Variants in FAT4 observed in about 807,000 individuals in gnomAD.
FAT4 encodes FAT atypical cadherin 4, also known as protocadherin Fat 4.
In FAT4, 84 loss-of-function variants were observed where a neutral mutation model predicts 303.9. The observed-to-expected ratio is 0.28, with a 90% CI of 0.23 to 0.33. The LOEUF is 0.33. FAT4 is among the 10% of genes least tolerant of loss of function. FAT4 has a pLI of 1.00. For synonymous variants in FAT4, 2,307 were observed against 2,298.8 expected, an observed-to-expected ratio of 1.00 and a Z score of -0.10; for missense variants, 6,005 against 6,146.8, an observed-to-expected ratio of 0.98 and a Z score of 0.77.
At chr4:125,376,333 G>A (rs1391116157) in intron 2 of FAT4, among the ~76,000 whole-genome samples, 3 of 152,048 alleles carry the variant, frequency 2.0e-5, no homozygotes, top group Admixed American at 2.0e-4. Flanking sequence ...GAAATAATTA[G>A]GGGTAAAATG....
At position 125,490,450 on chromosome 4, in the gene FAT4, C is replaced by T. The variant is rs200092854; in HGVS notation, c.13634C>T (p.Pro4545Leu). 187 of 1,613,848 alleles carry T rather than the reference C, an allele frequency of 1.2e-4. No individual in the cohort carries two copies. Among genetic ancestry groups the T allele is most frequent in the East Asian group, 3.6e-4 (16 of 44,858 alleles). The change falls in exon 18 of 18, where the codon CCG becomes CTG. Residue 4545 changes from proline (P) to leucine (L), a missense_variant. Transcript: ENST00000394329. ...KAKNPKEEKK[P>L]KEKKKKGSEN... The stretch of plus-strand genomic sequence containing the variant: ...AAAAATCCCAAAGAGGAGAAGAAAC[C>T]GAAGGAGAAGAAGAAAAAGGGAAGT...
rs905131437 is a variant in FAT4, at chr4:125,491,514, G to A, written c.14698G>A (p.Ala4900Thr). The A allele has an allele frequency of 1.2e-6, 2 of 1,614,186 alleles. No individual in the cohort carries two copies. The highest frequency in any genetic ancestry group is 1.1e-5 in the South Asian group (1 of 91,082). Residue 4900 changes from alanine (A) to threonine (T), a missense_variant, in exon 18 of 18, where the codon GCC becomes ACC. Transcript: ENST00000394329. The part of the protein sequence containing the change: ...LKPRRYHGRR[A>T]EGGPVGTQAA... Reference sequence around the variant, plus strand: ...GCCTCGAAGGTACCACGGTCGCAGGGCCGAGGGAGGACCTGTGGGCACCCA... The same window carrying A: ...GCCTCGAAGGTACCACGGTCGCAGGACCGAGGGAGGACCTGTGGGCACCCA...
At chr4:125,387,126 C>T (rs886815810) in intron 2 of FAT4, among the ~76,000 whole-genome samples, 5 of 152,182 alleles carry the variant, frequency 3.3e-5, no homozygotes, top group South Asian at 2.1e-4. Context: ...TGCTATGGGC[C>T]GGGTTCCTAA....
At chr4:125,371,841 G>C (rs1169122887) in intron 2 of FAT4, among the ~76,000 whole-genome samples, 1 of 152,008 alleles carries the variant, frequency 6.6e-6, no homozygotes, top group African/African-American at 2.4e-5. Flanking sequence ...TTCTTTAGAT[G>C]GGGTCATTTA....
intron 2 of FAT4, among the ~76,000 whole-genome samples, chr4:125,368,594 C>T (rs1450330809): frequency 1.5e-4 from 22 of 148,850 alleles, no homozygotes; most frequent in Non-Finnish European, 2.1e-4. Context: ...TCAGACTTTC[C>T]TGATTCTGAA....
chr4:125,325,525 T>C (rs1264795017), intron 2 of FAT4, among the ~76,000 whole-genome samples: 1 of 152,198 alleles, frequency 6.6e-6, no homozygotes, highest in Non-Finnish European at 1.5e-5. Flanking sequence ...CTCTTTCGAG[T>C]AAAAATCGTA....
chr4:125,406,807 A>C (rs758370167), intron 3 of FAT4, 73 bp from the exon 4 acceptor site: 60 of 1,511,662 alleles, frequency 4.0e-5, no homozygotes, highest in Non-Finnish European at 4.8e-5. Context: ...TGTCAAATAC[A>C]TGTTCAAAAG....
intron 8 of FAT4, among the ~76,000 whole-genome samples, chr4:125,445,733 A>G (rs926871236): frequency 6.6e-6 from 1 of 152,104 alleles, no homozygotes; most frequent in Non-Finnish European, 1.5e-5. Context: ...AAGCAACAAA[A>G]CCATATGAGG....
chr4:125,425,983 TA>T (rs1725074780), intron 7 of FAT4, among the ~76,000 whole-genome samples: 1 of 152,112 alleles, frequency 6.6e-6, no homozygotes, highest in Admixed American at 6.5e-5. Flanking sequence ...AATTGCTTTT[TA>T]ATGGAGGGAA....
At position 125,317,135 on chromosome 4, in the gene FAT4, G is replaced by T; in HGVS notation, c.724G>T (p.Asp242Tyr). The T allele has an allele frequency of 6.2e-7, 1 of 1,612,852 alleles. No individual in the cohort carries two copies. The highest frequency in any genetic ancestry group is 8.5e-7 in the Non-Finnish European group (1 of 1,179,392). The change falls in exon 2 of 18, where the codon GAC becomes TAC. Residue 242 changes from aspartate to tyrosine, a missense_variant. Physicochemically the swap from Asp to Tyr is radical, Grantham distance 160 (BLOSUM62 -3). Coordinates refer to ENST00000394329, the MANE Select transcript of FAT4 (RefSeq NM_001291303.3). This position sits in a 1 kb window ranked among gnomAD's most constrained non-coding sequence, Gnocchi z 7.0. ...GYLQVNVTVQ[D>Y]INDNPPVFGS... is the part of the protein sequence containing the mutation. ...CCTTCAGGTAAACGTGACTGTGCAA[G>T]ACATTAATGACAACCCCCCGGTTTT...
intron 2 of FAT4, among the ~76,000 whole-genome samples, chr4:125,395,997 A>C (rs1306784548): frequency 6.6e-6 from 1 of 152,210 alleles, no homozygotes; most frequent in Non-Finnish European, 1.5e-5. Context: ...ATAGTTAGTT[A>C]GTTCTTATGT....
chr4:125,472,767 T>C (rs1726907186), intron 12 of FAT4, among the ~76,000 whole-genome samples: 1 of 152,296 alleles, frequency 6.6e-6, no homozygotes, highest in South Asian at 2.1e-4. Flanking sequence ...AGAATAATGA[T>C]TAGCTTTAAA....
At position 125,408,753 on chromosome 4, in the gene FAT4, G is replaced by A. The variant is rs752661300; in HGVS notation, c.5879G>A (p.Gly1960Glu). 6.3e-6 allele frequency: 10 copies of A among 1,598,378 alleles called. No individual in the cohort carries two copies. Among genetic ancestry groups the A allele is most frequent in the Non-Finnish European group, 1.7e-6 (2 of 1,171,808 alleles). ...STSLMENLPVGSTVLVFNVTD... is the reference protein window; with the variant it reads ...STSLMENLPVESTVLVFNVTD... The stretch of plus-strand genomic sequence containing the variant: ...TCTTTAATGGAGAATCTACCTGTGG[G>A]ATCTACTGTTCTTGTGTTTAATGTT... Residue 1960 changes from glycine to glutamate, a missense_variant, in exon 5 of 18, where the codon GGA (glycine) becomes GAA (glutamate). By Grantham distance (98) the Gly-to-Glu change is moderately conservative. Coordinates refer to ENST00000394329, the MANE Select transcript of FAT4 (RefSeq NM_001291303.3).
At position 125,452,472 on chromosome 4, in the gene FAT4, G is replaced by C; in HGVS notation, c.11462G>C (p.Arg3821Pro). 1.9e-6 allele frequency: 3 copies of C among 1,613,984 alleles called. No individual in the cohort carries two copies. Among genetic ancestry groups the C allele is most frequent in the African/African-American group, 2.7e-5 (2 of 75,036 alleles). ...GPCQNGGSCL[R>P]RLAVSSVLKS... ...TGTCAGAATGGAGGGAGCTGTCTAC[G>C]AAGATTGGCTGTGAGCTCCGTATTA... The change falls in exon 10 of 18, where the codon CGA becomes CCA. Residue 3821 changes from arginine to proline, a missense_variant. Arg to Pro is a moderately radical substitution (Grantham distance 103). Coordinates refer to ENST00000394329, the MANE Select transcript of FAT4 (RefSeq NM_001291303.3).
Position 125,319,724 on chromosome 4 carries a change from T to C in FAT4, c.3313T>C (p.Tyr1105His). 1 of 1,614,172 alleles carries C rather than the reference T, an allele frequency of 6.2e-7. No individual in the cohort carries two copies. The highest frequency in any genetic ancestry group is 1.3e-5 in the African/African-American group (1 of 75,060). ...DNRPLFNSTN[Y>H]TFYFEEEQRA... ...CAGACCTCTTTTTAACAGTACCAAT[T>C]ACACATTTTACTTCGAAGAAGAGCA... is the stretch of plus-strand genomic sequence containing the variant. Residue 1105 changes from tyrosine to histidine, a missense_variant, in exon 2 of 18, where the codon TAC (tyrosine) becomes CAC (histidine). Tyr to His is a moderately conservative substitution (Grantham distance 83). Coordinates refer to ENST00000394329, the MANE Select transcript of FAT4 (RefSeq NM_001291303.3).
intron 2 of FAT4, among the ~76,000 whole-genome samples, chr4:125,337,036 G>A (rs1050646408): frequency 2.0e-5 from 3 of 151,924 alleles, no homozygotes; most frequent in Non-Finnish European, 4.4e-5. Flanking sequence ...TTGTGGTAGA[G>A]CGCCATTTGA....
chr4:125,353,403 T>A (rs1466514090), intron 2 of FAT4, among the ~76,000 whole-genome samples: 2 of 151,732 alleles, frequency 1.3e-5, no homozygotes, highest in Non-Finnish European at 3.0e-5. Flanking sequence ...TAAATAATTT[T>A]TTATTATTTT....
chr4:125,464,525 AT>A (rs970332022), intron 11 of FAT4, among the ~76,000 whole-genome samples: 1 of 141,930 alleles, frequency 7.0e-6, no homozygotes, highest in African/African-American at 2.6e-5. Flanking sequence ...CTATTTATTT[AT>A]TTTTTTATTA....
At position 125,450,711 on chromosome 4, in the gene FAT4, C is replaced by G. The variant is rs1726028375; in HGVS notation, c.9701C>G (p.Thr3234Ser). The G allele has an allele frequency of 6.2e-7, 1 of 1,613,976 alleles. No individual in the cohort carries two copies. Among genetic ancestry groups the G allele is most frequent in the African/African-American group, 1.3e-5 (1 of 74,914 alleles). The change falls in exon 10 of 18, where the codon ACT (threonine) becomes AGT (serine). Residue 3234 changes from threonine to serine, a missense_variant. Transcript: ENST00000394329. ...GGAACAAATGCTGTGATTGCGTATA[C>G]TGTACAGTCATCTGACAGTGACCTC... ...DSGTNAVIAY[T>S]VQSSDSDLFV...
Sources: allele counts gnomAD v4.1 joint callset (sites outside exome capture counted in the v4.1 genomes callset), GRCh38; gene constraint gnomAD v4.1.1; non-coding constraint Gnocchi (gnomAD v3.1); transcripts MANE v1.5; gene names NCBI Gene and HGNC (gene_info 2026-07-23, HGNC 2026-07-21).